Variants in RBM39 observed in about 807,000 individuals in gnomAD.
RBM39 encodes the protein RNA binding motif protein 39, also known as RNA-binding protein 39.
In RBM39, 12 loss-of-function variants were observed where a neutral mutation model predicts 79.6. That is an observed-to-expected ratio of 0.15 (90% CI 0.10 to 0.24). The LOEUF (loss-of-function observed/expected upper bound fraction) is 0.24. RBM39 is among the 10% of genes least tolerant of loss of function. The pLI, the probability that RBM39 is intolerant of heterozygous loss-of-function variation, is 1.00. For synonymous variants in RBM39, 185 were observed against 208.4 expected, an observed-to-expected ratio of 0.89 and a Z score of 0.97; for missense variants, 243 against 653.4, an observed-to-expected ratio of 0.37 and a Z score of 6.85.
chr20:35,712,938 G>T, intron 12 of RBM39, 81 bp downstream of exon 12: 1 of 1,096,292 alleles, frequency 9.1e-7, no homozygotes, highest in Non-Finnish European at 1.3e-6. Context: ...TTCTCAGTAA[G>T]TCCTTTTAAA....
intron 10 of RBM39, among the ~76,000 whole-genome samples, chr20:35,715,487 T>G (rs60646509): frequency 0.1 from 15,283 of 152,030 alleles, 800 homozygotes; most frequent in South Asian, 0.14. Flanking sequence ...AAAAACACTT[T>G]TGACAAGACA....
At chr20:35,715,012 G>A (rs1049117435) in intron 10 of RBM39, among the ~76,000 whole-genome samples, 1 of 152,158 alleles carries the variant, frequency 6.6e-6, no homozygotes, top group African/African-American at 2.4e-5. Flanking sequence ...CCAGTTCATT[G>A]ACGTACGTAA....
In RBM39 at chr20:35,708,894, TAAGAG is replaced by T. The variant is rs138845589; in HGVS notation, c.1225+325_1225+329del. ...TCTAAAATACTTGCCTACTCGTTAA[TAAGAG>T]AATACTTCATTTCCTGACTTCTATA... On this transcript the variant is annotated intron_variant, in intron 13 of 16. Transcript: ENST00000253363. The T allele has an allele frequency of 6.7e-3, 1,439 of 213,912 alleles. 25 individuals are homozygous for T. The highest frequency in any genetic ancestry group is 0.032 in the African/African-American group (1,359 of 42,720). The allele number at this position is 213,912 out of a possible 1,614,324, so 13.3% of individuals were successfully genotyped here.
chr20:35,733,130 C>T (rs1042942884), intron 3 of RBM39, among the ~76,000 whole-genome samples: 1 of 151,794 alleles, frequency 6.6e-6, no homozygotes, highest in Non-Finnish European at 1.5e-5. Context: ...CGGTGAAATC[C>T]CCTCTCTACC....
intron 9 of RBM39, among the ~76,000 whole-genome samples, chr20:35,719,211 T>C (rs1194013213): frequency 6.6e-6 from 1 of 152,032 alleles, no homozygotes; most frequent in Admixed American, 6.6e-5. Flanking sequence ...TTTATATTTT[T>C]AGTAGAGAAG....
At chr20:35,731,807 A>G in intron 4 of RBM39, 134 bp downstream of exon 4, 5 of 891,744 alleles carry the variant, frequency 5.6e-6, no homozygotes, top group Admixed American at 2.3e-5. Flanking sequence ...TTCAATGCCA[A>G]TATCCTTAAT....
chr20:35,731,423 G>C (rs2039354450), intron 4 of RBM39: 1 of 152,824 alleles, frequency 6.5e-6, no homozygotes, highest in Non-Finnish European at 1.5e-5. Flanking sequence ...CCCAAAAAAG[G>C]ATCTTTATCA....
rs1442599919 is a variant in RBM39 at position 35,707,184 on chromosome 20, C to A, written c.1243G>T (p.Ala415Ser). The A allele has an allele frequency of 6.2e-7, 1 of 1,607,622 alleles. No homozygotes were observed. Among genetic ancestry groups the A allele is most frequent in the East Asian group, 2.2e-5 (1 of 44,684 alleles). Residue 415 changes from alanine to serine, a missense_variant, in exon 14 of 17, where the codon GCT (alanine) becomes TCT (serine). Around this residue, in one of 4 missense-constraint regions of RBM39, gnomAD observed 19 missense variants for 16.1 expected, o/e 1.18. Transcript: ENST00000253363. ...QQTEASALAA[A>S]ASVQPLATQC... The stretch of plus-strand genomic sequence containing the variant: ...GTTGCAAGTGGCTGAACAGAGGCAG[C>A]TGCAGCTAAAGCTGAAGCTAAAAAA...
intron 9 of RBM39, among the ~76,000 whole-genome samples, chr20:35,717,014 C>T (rs1325093754): frequency 7.9e-5 from 12 of 151,624 alleles, no homozygotes; most frequent in Admixed American, 5.9e-4. Context: ...GCGTGGTGGT[C>T]GGCGCCTGTA....
chr20:35,726,619 T>G (rs765369396), intron 6 of RBM39, among the ~76,000 whole-genome samples: 2 of 152,332 alleles, frequency 1.3e-5, no homozygotes, highest in Middle Eastern at 6.8e-3. Flanking sequence ...AATGGCAAAC[T>G]TGAAGTGAAA....
At chr20:35,714,503 A>G in intron 10 of RBM39, 114 bp from the exon 11 acceptor site, 1 of 1,361,128 alleles carries the variant, frequency 7.3e-7, no homozygotes, top group Non-Finnish European at 9.6e-7. Flanking sequence ...TCTGAATACT[A>G]AGGTAGAAAC....
chr20:35,717,698 C>CA (rs2037325915), intron 9 of RBM39, among the ~76,000 whole-genome samples: 1 of 152,102 alleles, frequency 6.6e-6, no homozygotes, highest in Non-Finnish European at 1.5e-5. Flanking sequence ...AAAATTAAAA[C>CA]AGAGCATCCA....
At chr20:35,741,103 C>A (rs2040481726) in intron 1 of RBM39, among the ~76,000 whole-genome samples, 1 of 124,350 alleles carries the variant, frequency 8.0e-6, no homozygotes, top group African/African-American at 3.0e-5. Context: ...AGCGCGATCT[C>A]GGCTCACTGC....
At chr20:35,715,529 A>T (rs898880486) in intron 10 of RBM39, among the ~76,000 whole-genome samples, 4 of 152,156 alleles carry the variant, frequency 2.6e-5, no homozygotes, top group African/African-American at 4.8e-5. Context: ...TATGTACATT[A>T]AAAAAAGGAT....
chr20:35,722,929 G>A (rs1436335826), intron 8 of RBM39, among the ~76,000 whole-genome samples: 2 of 141,366 alleles, frequency 1.4e-5, no homozygotes, highest in East Asian at 2.1e-4. Context: ...GCGAGACTCC[G>A]TCTCAAGAGA....
intron 6 of RBM39, among the ~76,000 whole-genome samples, chr20:35,726,825 A>T (rs2038756500): frequency 6.6e-6 from 1 of 151,908 alleles, no homozygotes; most frequent in South Asian, 2.1e-4. Context: ...GATTTGTCAC[A>T]AAAGCTTTTT....
Position 35,716,728 on chromosome 20 carries a change from G to A in RBM39, c.891+12C>T. ...AAAAACCCTAAGTAATATAATTATG[G>A]TAATTACTTACTGTAATAAATCCAT... On this transcript the variant is annotated intron_variant, in intron 10 of 16. Transcript: ENST00000253363. The A allele has an allele frequency of 6.8e-7, 1 of 1,473,544 alleles. No individual in the cohort carries two copies. The highest frequency in any genetic ancestry group is 9.4e-7 in the Non-Finnish European group (1 of 1,066,964). The allele number at this position is 1,473,544 out of a possible 1,614,324, so 91.3% of individuals were successfully genotyped here. A position where few individuals can be genotyped will look rare whatever the true frequency, so the allele number is the denominator to read the frequency against.
At chr20:35,737,997 TAAA>T (rs1254456229) in intron 3 of RBM39, among the ~76,000 whole-genome samples, 1 of 135,650 alleles carries the variant, frequency 7.4e-6, no homozygotes, top group African/African-American at 2.8e-5. Flanking sequence ...CTACTAAAAA[TAAA>T]AAAAAAATTA....
At chr20:35,727,304 T>C (rs2038834110) in intron 6 of RBM39, among the ~76,000 whole-genome samples, 1 of 151,420 alleles carries the variant, frequency 6.6e-6, no homozygotes, top group Non-Finnish European at 1.5e-5. Context: ...GAGACATGAT[T>C]GCGTCACTGC....
Sources: allele counts gnomAD v4.1 joint callset (sites outside exome capture counted in the v4.1 genomes callset), GRCh38; gene constraint gnomAD v4.1.1; regional missense constraint gnomAD v4.1.1; transcripts MANE v1.5; gene names NCBI Gene and HGNC (gene_info 2026-07-23, HGNC 2026-07-21).